Variants in MLPH observed in about 807,000 individuals in gnomAD.
MLPH encodes exophilin-3.
A neutral mutation model predicts 72.1 loss-of-function variants in MLPH; 51 were observed. That is an observed-to-expected ratio of 0.71 (90% CI 0.56 to 0.89). The LOEUF is 0.89. MLPH is among the 40% of genes least tolerant of loss of function. The pLI is 0.00. For synonymous variants in MLPH, 301 were observed against 310.1 expected, an observed-to-expected ratio of 0.97 and a Z score of 0.31; for missense variants, 743 against 759.9, an observed-to-expected ratio of 0.98 and a Z score of 0.26.
At chr2:237,515,415 A>T (rs2079994103) in intron 4 of MLPH, among the ~76,000 whole-genome samples, 1 of 152,178 alleles carries the variant, frequency 6.6e-6, no homozygotes, top group African/African-American at 2.4e-5. Flanking sequence ...TCCAGTGAAT[A>T]GGGACACTTG....
chr2:237,488,082 C>T (rs984195651), intron 1 of MLPH, among the ~76,000 whole-genome samples: 1 of 152,194 alleles, frequency 6.6e-6, no homozygotes, highest in Admixed American at 6.5e-5. Context: ...ATCCCTTCCC[C>T]GGGCTTAGAC....
intron 4 of MLPH, among the ~76,000 whole-genome samples, chr2:237,515,946 G>A (rs1230852478): frequency 1.3e-5 from 2 of 152,230 alleles, no homozygotes; most frequent in African/African-American, 4.8e-5. Flanking sequence ...GTGGTGTGCA[G>A]GGCCAGCTCC....
chr2:237,511,181 T>A (rs2079893405), intron 4 of MLPH, 80 bp downstream of exon 4: 1 of 1,077,790 alleles, frequency 9.3e-7, no homozygotes, highest in African/African-American at 1.6e-5. Context: ...GGAGTGTGCA[T>A]GTGTGTGTGT....
chr2:237,527,591 T>C, intron 8 of MLPH, 75 bp downstream of exon 8: 1 of 1,580,828 alleles, frequency 6.3e-7, no homozygotes, highest in Non-Finnish European at 8.7e-7. Flanking sequence ...CCAAGTCACT[T>C]TAGAGAAATT....
At chr2:237,518,289 G>T (rs1312256052) in intron 4 of MLPH, 1 of 589,900 alleles carries the variant, frequency 1.7e-6, no homozygotes, top group African/African-American at 1.8e-5. Flanking sequence ...TTGAGTAGGT[G>T]GATGAGTGGA....
upstream of MLPH, among the ~76,000 whole-genome samples, chr2:237,487,002 G>A (rs1244629454): frequency 2.0e-5 from 3 of 152,166 alleles, no homozygotes; most frequent in Non-Finnish European, 2.9e-5. Context: ...CAAAGTCGCC[G>A]CAACTCACGG....
rs1019736123 is a variant in MLPH, at chr2:237,512,240, C to G, written c.445+1139C>G. On this transcript the variant is annotated intron_variant, in intron 4 of 15. Coordinates refer to ENST00000264605, the MANE Select transcript of MLPH (RefSeq NM_024101.7). This position sits in a 1 kb window ranked among gnomAD's most constrained non-coding sequence, Gnocchi z 5.5. ...CCTTATTCGTGCCTGTCTCTTAAAG[C>G]CTCAAGTTTGATTGAAGAAGCAGAA... Among the ~76,000 whole-genome samples, 1 of 152,238 alleles carries G rather than the reference C, an allele frequency of 6.6e-6. No individual in the cohort carries two copies. The highest frequency in any genetic ancestry group is 1.5e-5 in the Non-Finnish European group (1 of 68,050).
At chr2:237,502,949 T>C (rs1196663157) in intron 2 of MLPH, among the ~76,000 whole-genome samples, 1 of 151,932 alleles carries the variant, frequency 6.6e-6, no homozygotes, top group Non-Finnish European at 1.5e-5. Flanking sequence ...CGAAACCCCA[T>C]CTCTACTAAA....
intron 8 of MLPH, among the ~76,000 whole-genome samples, chr2:237,533,954 G>A (rs899998414): frequency 5.3e-5 from 8 of 152,224 alleles, no homozygotes; most frequent in African/African-American, 1.7e-4. Flanking sequence ...CAGGTGAGCC[G>A]TAAATGAGAT....
intron 2 of MLPH, among the ~76,000 whole-genome samples, chr2:237,508,512 C>T (rs1031629385): frequency 9.2e-5 from 14 of 152,264 alleles, no homozygotes; most frequent in African/African-American, 3.4e-4. Context: ...ATTGTTTTTA[C>T]ACCTTCAGTG....
At chr2:237,509,556 T>G (rs1185253864) in intron 2 of MLPH, among the ~76,000 whole-genome samples, 1 of 152,228 alleles carries the variant, frequency 6.6e-6, no homozygotes. Flanking sequence ...GACTTTACCT[T>G]GTCAATGCAG....
At chr2:237,489,186 C>T (rs536384800) in intron 1 of MLPH, among the ~76,000 whole-genome samples, 210 of 152,372 alleles carry the variant, frequency 1.4e-3, no homozygotes, top group Non-Finnish European at 2.2e-3. Context: ...TACAGCCTCA[C>T]CTGGGACCCA....
At chr2:237,551,515 A>G (rs1199760178) in intron 14 of MLPH, among the ~76,000 whole-genome samples, 1 of 152,222 alleles carries the variant, frequency 6.6e-6, no homozygotes, top group Non-Finnish European at 1.5e-5. Context: ...GCCACAGAAG[A>G]CATGCAAAAG....
Position 237,527,487 on chromosome 2 carries a change from C to G in MLPH, c.991C>G (p.Arg331Gly), listed in dbSNP as rs577434782. 1.4e-5 allele frequency: 22 copies of G among 1,614,050 alleles called. No individual in the cohort carries two copies. The highest frequency in any genetic ancestry group is 6.8e-6 in the Non-Finnish European group (8 of 1,180,050). ...CGTGATGGCCTCCCACCATTCCAAG[C>G]GGAGAGGCCGGGCGTCTTCTGAGAG... ...AHVMASHHSK[R>G]RGRASSESQI... Residue 331 changes from arginine to glycine, a missense_variant, in exon 8 of 16, where the codon CGG becomes GGG. By Grantham distance (125) the Arg-to-Gly change is moderately radical. Transcript: ENST00000264605.
chr2:237,494,549 C>T (rs79235091), intron 2 of MLPH, among the ~76,000 whole-genome samples: 2,103 of 152,038 alleles, frequency 0.014, 28 homozygotes, highest in Middle Eastern at 0.027. Flanking sequence ...GTGAAGTGGC[C>T]AGATGCACTT....
chr2:237,531,097 C>T (rs924956185), intron 8 of MLPH, among the ~76,000 whole-genome samples: 1 of 152,226 alleles, frequency 6.6e-6, no homozygotes, highest in African/African-American at 2.4e-5. Context: ...AGAAAGCATT[C>T]CTCTCTGAGT....
chr2:237,546,052 A>G (rs2080912244), intron 12 of MLPH, among the ~76,000 whole-genome samples: 1 of 152,236 alleles, frequency 6.6e-6, no homozygotes, highest in African/African-American at 2.4e-5. Flanking sequence ...GACATCAATC[A>G]GTAGGTGTAA....
Position 237,531,153 on chromosome 2 carries a change from T to C in MLPH, c.1021-3411T>C, listed in dbSNP as rs190679159. On this transcript the variant is annotated intron_variant, in intron 8 of 15. Coordinates refer to ENST00000264605, the MANE Select transcript of MLPH (RefSeq NM_024101.7). Reference sequence around the variant, plus strand: ...GATCACTGGGCCAAAGGATATCCAGTTCTAGAGCCCAGGTTCTAGACAGTC... The same window carrying C: ...GATCACTGGGCCAAAGGATATCCAGCTCTAGAGCCCAGGTTCTAGACAGTC... 9.1e-4 allele frequency among the ~76,000 whole-genome samples: 139 copies of C among 152,296 alleles called. No homozygotes were observed. The Middle Eastern group carries it at 0.017, about 19-fold the overall frequency.
intron 6 of MLPH, among the ~76,000 whole-genome samples, chr2:237,522,966 T>C (rs891356650): frequency 1.3e-5 from 2 of 152,228 alleles, no homozygotes; most frequent in African/African-American, 4.8e-5. Flanking sequence ...GTCCTACACC[T>C]TCTCATCCAA....
Sources: allele counts gnomAD v4.1 joint callset (sites outside exome capture counted in the v4.1 genomes callset), GRCh38; gene constraint gnomAD v4.1.1; non-coding constraint Gnocchi (gnomAD v3.1); transcripts MANE v1.5; gene names NCBI Gene and HGNC (gene_info 2026-07-23, HGNC 2026-07-21).